ZFPM2: variants seen among roughly 807,000 people sequenced by gnomAD.
ZFPM2 encodes the protein zinc finger protein ZFPM2.
ZFPM2 carries 20 observed loss-of-function variants against 98.6 expected under a neutral mutation model. The ratio of observed to expected loss-of-function variants is 0.20; its 90% CI spans 0.14 to 0.29. ZFPM2 has a LOEUF of 0.29. Ranked by LOEUF, ZFPM2 falls within the 10% of genes least tolerant of loss-of-function variation. ZFPM2 has a pLI of 1.00. For missense variants in ZFPM2, 1,310 were observed against 1,388.6 expected, an observed-to-expected ratio of 0.94 and a Z score of 0.90; for synonymous variants, 518 against 502.7, an observed-to-expected ratio of 1.03 and a Z score of -0.41.
Position 105,561,470 on chromosome 8 carries a change from A to G in ZFPM2, c.409A>G (p.Asn137Asp), listed in dbSNP as rs768990545. 6.2e-7 allele frequency: 1 copy of G among 1,611,584 alleles called. No homozygotes were observed. Among genetic ancestry groups the G allele is most frequent in the South Asian group, 1.1e-5 (1 of 90,830 alleles). Residue 137 changes from asparagine to aspartate, a missense_variant, in exon 4 of 8, where the codon AAT (asparagine) becomes GAT (aspartate). Transcript: ENST00000407775. ...GTTTCCTGGGAAGATGGACTTGAAT[A>G]ATAATTCTTTGGTATGTGGATATTC... ...GPFPGKMDLN[N>D]NSLKTKAQVP... is the part of the protein sequence containing the mutation.
At chr8:105,359,367 C>CTTTTTTTTTTTTTTTTTTTTTTTTT (rs111675257) in intron 1 of ZFPM2, among the ~76,000 whole-genome samples, 1 of 135,358 alleles carries the variant, frequency 7.4e-6, no homozygotes, top group Non-Finnish European at 1.6e-5. Context: ...CTTTTTCTTT[C>CTTTTTTTTTTTTTTTTTTTTTTTTT]TTTTTTTTTT....
At chr8:105,796,007 A>ATAT (rs1813796349) in intron 6 of ZFPM2, 1 of 200,764 alleles carries the variant, frequency 5.0e-6, no homozygotes, top group African/African-American at 2.4e-5. Context: ...TTAAAATAAA[A>ATAT]TATTTAACTG....
chr8:105,630,030 A>G (rs767532833), intron 4 of ZFPM2, among the ~76,000 whole-genome samples: 7 of 152,198 alleles, frequency 4.6e-5, no homozygotes, highest in Non-Finnish European at 8.8e-5. Flanking sequence ...TTTAGGAAAT[A>G]GGCATCTTTG....
intron 5 of ZFPM2, among the ~76,000 whole-genome samples, chr8:105,645,063 G>A (rs1314661929): frequency 6.6e-6 from 1 of 152,094 alleles, no homozygotes; most frequent in Non-Finnish European, 1.5e-5. Flanking sequence ...TAAGGACAGG[G>A]ATTTTTTTTT....
chr8:105,593,858 C>T (rs1815906113), intron 4 of ZFPM2, among the ~76,000 whole-genome samples: 1 of 152,010 alleles, frequency 6.6e-6, no homozygotes, highest in Non-Finnish European at 1.5e-5. Flanking sequence ...GAGCGGCTGT[C>T]AGTCTACATT....
chr8:105,521,136 C>T (rs913624012), intron 3 of ZFPM2, among the ~76,000 whole-genome samples: 8 of 148,778 alleles, frequency 5.4e-5, no homozygotes, highest in Non-Finnish European at 7.4e-5. Context: ...TATATATACA[C>T]ACACACACAC....
chr8:105,395,619 TC>T (rs200744500), intron 1 of ZFPM2, among the ~76,000 whole-genome samples: 1 of 152,016 alleles, frequency 6.6e-6, no homozygotes, highest in Non-Finnish European at 1.5e-5. Context: ...GTCCCCTATT[TC>T]CCCCCATACA....
At chr8:105,738,490 ATG>A (rs1216467521) in intron 5 of ZFPM2, among the ~76,000 whole-genome samples, 1 of 152,102 alleles carries the variant, frequency 6.6e-6, no homozygotes, top group Non-Finnish European at 1.5e-5. Context: ...ATTCGCAGAC[ATG>A]TGTCTTTATG....
intron 1 of ZFPM2, among the ~76,000 whole-genome samples, chr8:105,381,860 A>G (rs1423748363): frequency 6.6e-6 from 1 of 152,028 alleles, no homozygotes; most frequent in Non-Finnish European, 1.5e-5. Flanking sequence ...ATTTTCATAG[A>G]CTACTTTTGA....
intron 3 of ZFPM2, among the ~76,000 whole-genome samples, chr8:105,499,351 C>CCAAAA (rs1439417112): frequency 1.3e-5 from 2 of 151,184 alleles, no homozygotes; most frequent in Non-Finnish European, 2.9e-5. Context: ...TACTTGTAAT[C>CCAAAA]CAAAACAAAA....
At chr8:105,521,308 C>T (rs1814054152) in intron 3 of ZFPM2, among the ~76,000 whole-genome samples, 1 of 149,082 alleles carries the variant, frequency 6.7e-6, no homozygotes, top group African/African-American at 2.5e-5. Flanking sequence ...AAGCAGAAAA[C>T]CAATAATATA....
At chr8:105,441,450 GAGAGAAAGAA>G (rs1488120281) in intron 2 of ZFPM2, among the ~76,000 whole-genome samples, 11 of 82,830 alleles carry the variant, frequency 1.3e-4, no homozygotes, top group Non-Finnish European at 2.1e-4. Context: ...GAGAGAGAGA[GAGAGAAAGAA>G]AGAAAGAAAG....
At chr8:105,742,317 G>T (rs1199468938) in intron 5 of ZFPM2, among the ~76,000 whole-genome samples, 1 of 149,454 alleles carries the variant, frequency 6.7e-6, no homozygotes, top group Non-Finnish European at 1.5e-5. Context: ...GTTCAAGGCT[G>T]CACTGAACTA....
At chr8:105,463,741 G>T (rs1435592781) in intron 3 of ZFPM2, among the ~76,000 whole-genome samples, 3 of 151,922 alleles carry the variant, frequency 2.0e-5, no homozygotes, top group Non-Finnish European at 4.4e-5. Flanking sequence ...ATCTTCTAAG[G>T]CTGTTACATT....
chr8:105,400,369 C>A (rs1253530625), intron 1 of ZFPM2, among the ~76,000 whole-genome samples: 1 of 152,042 alleles, frequency 6.6e-6, no homozygotes, highest in Non-Finnish European at 1.5e-5. Context: ...CCCACTAACT[C>A]GTCATCTAGC....
chr8:105,776,625 A>T (rs1473963418), intron 5 of ZFPM2, among the ~76,000 whole-genome samples: 3 of 152,174 alleles, frequency 2.0e-5, no homozygotes, highest in Non-Finnish European at 4.4e-5. Context: ...TTTACTTTCC[A>T]TTCTAACCAA....
At chr8:105,370,386 G>T (rs1488200346) in intron 1 of ZFPM2, among the ~76,000 whole-genome samples, 1 of 152,172 alleles carries the variant, frequency 6.6e-6, no homozygotes, top group African/African-American at 2.4e-5. Flanking sequence ...AAATTGTGAC[G>T]TAATGAAATT....
At chr8:105,793,704 C>CCAT (rs759570210) in intron 6 of ZFPM2, among the ~76,000 whole-genome samples, 1 of 152,106 alleles carries the variant, frequency 6.6e-6, no homozygotes, top group Non-Finnish European at 1.5e-5. Flanking sequence ...TCCATTCTCC[C>CCAT]CATCACTTTC....
At chr8:105,650,343 A>G (rs570902841) in intron 5 of ZFPM2, among the ~76,000 whole-genome samples, 1 of 151,930 alleles carries the variant, frequency 6.6e-6, no homozygotes, top group Non-Finnish European at 1.5e-5. Context: ...GGATTCATTG[A>G]TTTTTTGAAG....
Sources: allele counts gnomAD v4.1 joint callset (sites outside exome capture counted in the v4.1 genomes callset), GRCh38; gene constraint gnomAD v4.1.1; transcripts MANE v1.5; gene names NCBI Gene and HGNC (gene_info 2026-07-23, HGNC 2026-07-21).